The following ATG13 variants were observed in gnomAD, a reference collection of about 807,000 sequenced individuals.
ATG13 encodes autophagy related 13.
A neutral mutation model predicts 65.5 loss-of-function variants in ATG13; 23 were observed. The observed-to-expected ratio is 0.35, with a 90% CI of 0.25 to 0.50. The LOEUF (loss-of-function observed/expected upper bound fraction) is 0.50. ATG13 is among the 20% of genes least tolerant of loss of function. The pLI is 0.98. For synonymous variants in ATG13, 252 were observed against 245.2 expected, an observed-to-expected ratio of 1.03 and a Z score of -0.26; for missense variants, 566 against 677.0, an observed-to-expected ratio of 0.84 and a Z score of 1.82.
chr11:46,659,508 G>A (rs746684449), intron 11 of ATG13, 23 bp downstream of exon 11: 2 of 1,579,136 alleles, frequency 1.3e-6, no homozygotes, highest in South Asian at 1.1e-5. Flanking sequence ...AGGTTCTGGG[G>A]TGGTGGTAGT....
At chr11:46,643,974 T>C (rs529089170) in intron 2 of ATG13, among the ~76,000 whole-genome samples, 2 of 152,364 alleles carry the variant, frequency 1.3e-5, no homozygotes, top group South Asian at 4.1e-4. Flanking sequence ...TAAAATTTAG[T>C]CCTGAATCTG....
At chr11:46,666,583 G>A (rs1205806079) in intron 14 of ATG13, among the ~76,000 whole-genome samples, 1 of 152,216 alleles carries the variant, frequency 6.6e-6, no homozygotes, top group African/African-American at 2.4e-5. Context: ...CCACCCTGCA[G>A]AAGTCACCAC....
At chr11:46,630,977 G>A (rs1236020233) in intron 2 of ATG13, 1 of 152,074 alleles carries the variant, frequency 6.6e-6, no homozygotes, top group Non-Finnish European at 1.5e-5. Context: ...CTTCCAAAGT[G>A]TTGGGATTAC....
In ATG13 at chr11:46,672,470, G is replaced by GA; in HGVS notation, c.*140dup. On this transcript the variant is annotated 3_prime_UTR_variant, in exon 19 of 19. Coordinates refer to ENST00000683050, the MANE Select transcript of ATG13 (RefSeq NM_001346311.2). ...GGCTGGCTTCTCCCATGGGGACCCA[G>GA]AAGTCCCTACTCTTGGACCTCCTGG... The GA allele has an allele frequency of 6.5e-7, 1 of 1,544,076 alleles. No homozygotes were observed.
chr11:46,641,780 C>CA (rs2056113739), intron 2 of ATG13, among the ~76,000 whole-genome samples: 1 of 139,226 alleles, frequency 7.2e-6, no homozygotes, highest in Non-Finnish European at 1.5e-5. Context: ...TTTTTCGTGA[C>CA]AGAGTTTTTT....
Position 46,672,584 on chromosome 11 carries a change from A to G in ATG13, c.*252A>G. On this transcript the variant is annotated 3_prime_UTR_variant, in exon 19 of 19. Transcript: ENST00000683050. ...GATGGGAAGAACCTTCGTACGAAAA[A>G]GCCCTCAGCAGGGCCATCTGTGTGC... The G allele has an allele frequency of 1.4e-6, 2 of 1,412,860 alleles. No individual in the cohort carries two copies. Among genetic ancestry groups the G allele is most frequent in the Non-Finnish European group, 1.9e-6 (2 of 1,073,350 alleles). 87.5% of individuals were successfully genotyped at this position (1,412,860 alleles called of 1,614,324 possible).
chr11:46,624,499 T>TG (rs11422741), intron 1 of ATG13, among the ~76,000 whole-genome samples: 1,834 of 152,172 alleles, frequency 0.012, 44 homozygotes, highest in African/African-American at 0.042. Flanking sequence ...TTTTTTTTTT[T>TG]TTGTTCTTTT....
intron 6 of ATG13, 95 bp downstream of exon 6, chr11:46,649,278 A>G (rs886572092): frequency 4.9e-6 from 7 of 1,415,988 alleles, no homozygotes; most frequent in Non-Finnish European, 6.8e-6. Flanking sequence ...AGAGTCAGGG[A>G]GGGCATTCTG....
rs371852152 is a variant in ATG13 at position 46,622,202 on chromosome 11, C to T, written c.-70+4312C>T. Among the ~76,000 whole-genome samples the T allele has an allele frequency of 8.7e-5, 13 of 149,200 alleles. No homozygotes were observed. In the East Asian group the frequency reaches 2.2e-3, roughly 25 times the overall value. On this transcript the variant is annotated intron_variant, in intron 1 of 18. Coordinates refer to ENST00000683050, the MANE Select transcript of ATG13 (RefSeq NM_001346311.2). ...AAGCAATCTTGGCTCACTGCAACCTCCACCTCCCAGGTTCAAGCGATTCTC... is the reference window on the plus strand; with the variant it reads ...AAGCAATCTTGGCTCACTGCAACCTTCACCTCCCAGGTTCAAGCGATTCTC...
In ATG13 at chr11:46,645,941, T is replaced by C. The variant is rs2057410596; in HGVS notation, c.222T>C (p.Pro74=). The change falls in exon 5 of 19, where the codon CCT becomes CCC. Residue 74 remains proline, a synonymous_variant. Coordinates refer to ENST00000683050, the MANE Select transcript of ATG13 (RefSeq NM_001346311.2). ...AGAAGGCACTGGCAGGACAGCTGCC[T>C]GCAGTCGGGAGGTCCATGTGTGTGG... ...EAKKALAGQL[P]AVGRSMCVEI... The C allele has an allele frequency of 1.2e-6, 2 of 1,614,110 alleles. No individual in the cohort carries two copies. The highest frequency in any genetic ancestry group is 2.7e-5 in the African/African-American group (2 of 74,960).
At chr11:46,648,277 G>A (rs987642164) in intron 5 of ATG13, among the ~76,000 whole-genome samples, 3 of 151,836 alleles carry the variant, frequency 2.0e-5, no homozygotes, top group Admixed American at 6.6e-5. Flanking sequence ...TGTATTTTTA[G>A]TACAACTCCC....
intron 1 of ATG13, among the ~76,000 whole-genome samples, chr11:46,625,842 C>T (rs1316506024): frequency 1.3e-5 from 2 of 152,146 alleles, no homozygotes; most frequent in Non-Finnish European, 2.9e-5. Flanking sequence ...GGAATTTAAG[C>T]TTTACTGTAT....
intron 1 of ATG13, among the ~76,000 whole-genome samples, chr11:46,626,768 A>G (rs1222831856): frequency 6.6e-6 from 1 of 152,120 alleles, no homozygotes; most frequent in Admixed American, 6.6e-5. Context: ...CAAAATTGTC[A>G]TTTTCTAAGT....
rs991322735 is a variant in ATG13, at chr11:46,672,408, C to T, written c.*76C>T. On this transcript the variant is annotated 3_prime_UTR_variant, in exon 19 of 19. Transcript: ENST00000683050. ...AGCAGCCTCCCATGCATCAGCTGCT[C>T]CCACCCCTCATCCTGCTCTGAGCCA... 2 of 1,610,120 alleles carry T rather than the reference C, an allele frequency of 1.2e-6. No homozygotes were observed. The highest frequency in any genetic ancestry group is 2.7e-5 in the African/African-American group (2 of 74,898).
At chr11:46,626,529 C>T (rs779369862) in intron 1 of ATG13, among the ~76,000 whole-genome samples, 6 of 152,160 alleles carry the variant, frequency 3.9e-5, no homozygotes, top group Non-Finnish European at 8.8e-5. Flanking sequence ...GGATTACAAG[C>T]GTGAGCCACT....
At chr11:46,623,150 C>T (rs902786996) in intron 1 of ATG13, among the ~76,000 whole-genome samples, 29 of 151,988 alleles carry the variant, frequency 1.9e-4, no homozygotes, top group Admixed American at 5.9e-4. Flanking sequence ...AAAAATTAGC[C>T]GTGTGTGGTG....
At chr11:46,647,882 A>G (rs1476149052) in intron 5 of ATG13, among the ~76,000 whole-genome samples, 1 of 151,694 alleles carries the variant, frequency 6.6e-6, no homozygotes, top group Non-Finnish European at 1.5e-5. Context: ...AAGTGCCGGG[A>G]TTATAGGAGT....
At chr11:46,643,087 T>A (rs911787673) in intron 2 of ATG13, among the ~76,000 whole-genome samples, 1 of 152,184 alleles carries the variant, frequency 6.6e-6, no homozygotes, top group African/African-American at 2.4e-5. Flanking sequence ...TTCTGGTTGG[T>A]CAGCATAGCC....
chr11:46,632,540 G>T (rs1252252484), intron 2 of ATG13: 1 of 152,264 alleles, frequency 6.6e-6, no homozygotes. Flanking sequence ...CTGATGTGTG[G>T]CCTTAAAACC....
Sources: gnomAD v4.1 joint callset for allele counts (sites outside exome capture counted in the v4.1 genomes callset) on GRCh38, gnomAD v4.1.1 for gene constraint, MANE v1.5 for transcripts, NCBI Gene and HGNC (gene_info 2026-07-23, HGNC 2026-07-21) for gene names.